The following CDH8 variants were observed in gnomAD, a reference collection of about 807,000 sequenced individuals.
CDH8 encodes cadherin 8.
In CDH8, 17 loss-of-function variants were observed where a neutral mutation model predicts 68.1. The observed-to-expected ratio is 0.25, with a 90% CI of 0.17 to 0.37. CDH8 has a LOEUF of 0.37. Among genes scored for constraint, CDH8 ranks in the 10% least tolerant of loss-of-function variants. CDH8 has a pLI of 1.00. For missense variants in CDH8, 763 were observed against 999.3 expected, an observed-to-expected ratio of 0.76 and a Z score of 3.19; for synonymous variants, 372 against 365.1, an observed-to-expected ratio of 1.02 and a Z score of -0.21.
At chr16:61,893,652 G>T (rs897428310) in intron 3 of CDH8, among the ~76,000 whole-genome samples, 7 of 152,066 alleles carry the variant, frequency 4.6e-5, no homozygotes, top group African/African-American at 1.7e-4. Flanking sequence ...CAAACAGCGC[G>T]TTGGGCCAAA....
intron 4 of CDH8, among the ~76,000 whole-genome samples, chr16:61,832,853 T>C (rs1482087478): frequency 6.6e-6 from 1 of 151,790 alleles, no homozygotes; most frequent in Non-Finnish European, 1.5e-5. Context: ...ATGATTAGCC[T>C]GTGTTATATG....
At chr16:61,995,675 C>A (rs1228559017) in intron 2 of CDH8, among the ~76,000 whole-genome samples, 1 of 152,148 alleles carries the variant, frequency 6.6e-6, no homozygotes, top group African/African-American at 2.4e-5. Context: ...TGGCTCCCGG[C>A]CTACTTTTAC....
chr16:61,779,289 C>T (rs912824135), intron 8 of CDH8, among the ~76,000 whole-genome samples: 2 of 152,012 alleles, frequency 1.3e-5, no homozygotes, highest in Non-Finnish European at 2.9e-5. Flanking sequence ...AATTGATTCC[C>T]ACATTCTCAG....
chr16:61,713,811 T>A, intron 10 of CDH8, 30 bp downstream of exon 10: 1 of 1,120,450 alleles, frequency 8.9e-7, no homozygotes, highest in South Asian at 1.3e-5. Context: ...ATTTATATTG[T>A]ACTCTGTTTC....
intron 2 of CDH8, among the ~76,000 whole-genome samples, chr16:61,960,514 T>C (rs953708376): frequency 6.6e-6 from 1 of 152,084 alleles, no homozygotes; most frequent in Non-Finnish European, 1.5e-5. Context: ...TTGCCATCAC[T>C]CGGTAAAAGT....
chr16:61,733,481 AT>A (rs1055656544), intron 8 of CDH8, among the ~76,000 whole-genome samples: 1 of 151,876 alleles, frequency 6.6e-6, no homozygotes, highest in Non-Finnish European at 1.5e-5. Context: ...AAATAAAAAA[AT>A]ATATTGTGCT....
intron 3 of CDH8, among the ~76,000 whole-genome samples, chr16:61,898,664 T>C (rs189117457): frequency 6.6e-6 from 1 of 152,294 alleles, no homozygotes; most frequent in East Asian, 1.9e-4. Flanking sequence ...TGAGGGTCAT[T>C]AAGATATGAT....
intron 8 of CDH8, among the ~76,000 whole-genome samples, chr16:61,729,261 C>A (rs1959467281): frequency 6.6e-6 from 1 of 150,560 alleles, no homozygotes; most frequent in Non-Finnish European, 1.5e-5. Context: ...TGATGAAGTC[C>A]AAAAAAATAC....
rs369935492 is a variant in CDH8, at chr16:62,021,450, T to C, written c.-47A>G. On this transcript the variant is annotated 5_prime_UTR_variant, in exon 2 of 12. Coordinates refer to ENST00000577390, the MANE Select transcript of CDH8 (RefSeq NM_001796.5). ...CACCACGAAAATGAGACAATTATTT[T>C]TTTTGTCTCCGGTCTGCAGCCATCC... 84 of 1,561,474 alleles carry C rather than the reference T, an allele frequency of 5.4e-5. No homozygotes were observed. The East Asian group carries it at 1.4e-3, about 26-fold the overall frequency.
chr16:61,974,848 T>C (rs891837741), intron 2 of CDH8, among the ~76,000 whole-genome samples: 1 of 152,250 alleles, frequency 6.6e-6, no homozygotes, highest in Non-Finnish European at 1.5e-5. Context: ...ACAGAATTTC[T>C]CCAAGTCCCC....
intron 8 of CDH8, among the ~76,000 whole-genome samples, chr16:61,757,610 A>C (rs537089977): frequency 1.3e-5 from 2 of 152,118 alleles, no homozygotes; most frequent in Non-Finnish European, 2.9e-5. Flanking sequence ...GCACTGTGCT[A>C]ATTTCTAAGC....
rs1963074209 is a variant in CDH8 at position 61,857,783 on chromosome 16, C to A, written c.548-545G>T. On this transcript the variant is annotated intron_variant, in intron 3 of 11. Transcript: ENST00000577390. The stretch of plus-strand genomic sequence containing the variant: ...GCATAATGGATAACAGAATCATAAC[C>A]TTTTTTTCAAATTTATTTTTTATTC... Among the ~76,000 whole-genome samples, 5 of 152,058 alleles carry A rather than the reference C, an allele frequency of 3.3e-5. No individual in the cohort carries two copies. In the South Asian group the frequency reaches 1.0e-3, roughly 32 times the overall value.
intron 9 of CDH8, among the ~76,000 whole-genome samples, chr16:61,715,566 T>C (rs919098984): frequency 3.3e-5 from 5 of 151,666 alleles, no homozygotes; most frequent in African/African-American, 1.2e-4. Context: ...ATTATTATCA[T>C]ATTTATTAGG....
chr16:61,721,350 G>A (rs757503865), intron 9 of CDH8, among the ~76,000 whole-genome samples: 2 of 150,892 alleles, frequency 1.3e-5, no homozygotes, highest in African/African-American at 2.4e-5. Flanking sequence ...TCTCCCTCTT[G>A]TGTATGCAGA....
At chr16:61,696,545 T>TGTAAATAAGCA (rs748354483) in intron 10 of CDH8, among the ~76,000 whole-genome samples, 28 of 152,162 alleles carry the variant, frequency 1.8e-4, no homozygotes, top group Non-Finnish European at 3.5e-4. Context: ...TGTAAATAAG[T>TGTAAATAAGCA]CTGGAGATTT....
At chr16:61,814,511 T>A (rs1365788968) in intron 7 of CDH8, among the ~76,000 whole-genome samples, 1 of 152,178 alleles carries the variant, frequency 6.6e-6, no homozygotes, top group Non-Finnish European at 1.5e-5. Flanking sequence ...AAAAAGAAAT[T>A]GAACCGCGTG....
At chr16:61,776,494 C>T (rs949424414) in intron 8 of CDH8, among the ~76,000 whole-genome samples, 1 of 151,962 alleles carries the variant, frequency 6.6e-6, no homozygotes, top group Non-Finnish European at 1.5e-5. Context: ...CCAACCTGGC[C>T]GGGATACTTG....
intron 2 of CDH8, among the ~76,000 whole-genome samples, chr16:62,020,562 T>G (rs1902049826): frequency 6.6e-6 from 1 of 152,078 alleles, no homozygotes; most frequent in Non-Finnish European, 1.5e-5. Flanking sequence ...TACATTTGAT[T>G]TCACCTGACA....
intron 2 of CDH8, among the ~76,000 whole-genome samples, chr16:61,956,022 C>T (rs2143609765): frequency 6.6e-6 from 1 of 152,268 alleles, no homozygotes; most frequent in South Asian, 2.1e-4. Context: ...AATTATTAAG[C>T]TTACAAATAA....
Sources: gnomAD v4.1 joint callset for allele counts (sites outside exome capture counted in the v4.1 genomes callset) on GRCh38, gnomAD v4.1.1 for gene constraint, MANE v1.5 for transcripts, NCBI Gene and HGNC (gene_info 2026-07-23, HGNC 2026-07-21) for gene names.